Variants in GGACT observed in about 807,000 individuals in gnomAD.
The protein encoded by GGACT is gamma-glutamylamine cyclotransferase.
For synonymous variants in GGACT, 118 were observed against 115.3 expected (o/e 1.02, Z -0.15); for missense variants, 241 against 233.2 (o/e 1.03, Z -0.22).
chr13:100,575,465 T>A (rs1313457838), intron 2 of GGACT, among the ~76,000 whole-genome samples: 1 of 152,214 alleles, frequency 6.6e-6, no homozygotes, highest in Non-Finnish European at 1.5e-5. Flanking sequence ...GTTTTCTTCT[T>A]TGAGCTCACC....
At chr13:100,553,838 C>A (rs2088688291) in intron 2 of GGACT, among the ~76,000 whole-genome samples, 1 of 75,572 alleles carries the variant, frequency 1.3e-5, no homozygotes, top group African/African-American at 7.1e-5. Context: ...AGCGAGACTC[C>A]ATCTCAAAAA....
At chr13:100,585,822 C>CAAAAAAAAAAAAAAAA (rs550006144) in intron 1 of GGACT, among the ~76,000 whole-genome samples, 1 of 29,504 alleles carries the variant, frequency 3.4e-5, no homozygotes, top group African/African-American at 8.3e-5. Context: ...CTGTCTCCAC[C>CAAAAAAAAAAAAAAAA]AAAAAAAAAA....
chr13:100,564,468 T>A lies in GGACT; in HGVS notation c.-11+19357A>T, dbSNP rs548359735. Among the ~76,000 whole-genome samples, 179 of 152,272 alleles carry A rather than the reference T, an allele frequency of 1.2e-3. 1 individual carries two copies. The highest frequency in any genetic ancestry group is 4.0e-3 in the African/African-American group (168 of 41,554). On this transcript the variant is annotated intron_variant, in intron 2 of 2. Coordinates refer to ENST00000683975, the MANE Select transcript of GGACT (RefSeq NM_001195087.2). ...TGAAGATTTGTATAAACATCTTTTTTAAAAAAATTATCCAAGTTATACAAA... is the reference window on the plus strand; with the variant it reads ...TGAAGATTTGTATAAACATCTTTTTAAAAAAAATTATCCAAGTTATACAAA...
chr13:100,535,532 C>T (rs1202333277), intron 2 of GGACT, among the ~76,000 whole-genome samples: 1 of 152,194 alleles, frequency 6.6e-6, no homozygotes, highest in South Asian at 2.1e-4. Flanking sequence ...GCGGTGGGTA[C>T]CAACACACGT....
At chr13:100,569,589 G>A (rs1023953498) in intron 2 of GGACT, among the ~76,000 whole-genome samples, 1 of 152,202 alleles carries the variant, frequency 6.6e-6, no homozygotes, top group Non-Finnish European at 1.5e-5. Flanking sequence ...GTGATGGGAG[G>A]GGCTGCTGAG....
At chr13:100,553,904 C>T (rs2088689995) in intron 2 of GGACT, among the ~76,000 whole-genome samples, 1 of 149,840 alleles carries the variant, frequency 6.7e-6, no homozygotes, top group Non-Finnish European at 1.5e-5. Flanking sequence ...GGGCCAGGTA[C>T]ACAGTGTGTC....
intron 2 of GGACT, among the ~76,000 whole-genome samples, chr13:100,566,349 A>G (rs1323902145): frequency 1.3e-5 from 2 of 151,906 alleles, no homozygotes; most frequent in Non-Finnish European, 2.9e-5. Context: ...CATGCCTCAC[A>G]CTGCCTGTGG....
chr13:100,579,135 G>A (rs1875337424), intron 2 of GGACT, among the ~76,000 whole-genome samples: 1 of 152,194 alleles, frequency 6.6e-6, no homozygotes, highest in Non-Finnish European at 1.5e-5. Flanking sequence ...AAGGCATGAT[G>A]GCGGACTCCG....
At chr13:100,553,087 G>C (rs1051123206) in intron 2 of GGACT, among the ~76,000 whole-genome samples, 1 of 152,206 alleles carries the variant, frequency 6.6e-6, no homozygotes, top group Non-Finnish European at 1.5e-5. Context: ...GGGCCTCCAA[G>C]GGCCTTCCAT....
intron 2 of GGACT, among the ~76,000 whole-genome samples, chr13:100,578,476 A>G (rs1875318486): frequency 1.3e-5 from 2 of 152,240 alleles, no homozygotes; most frequent in Admixed American, 6.5e-5. Flanking sequence ...CACAGTCAGT[A>G]CATTCATTTA....
intron 2 of GGACT, among the ~76,000 whole-genome samples, chr13:100,561,657 G>A (rs764538106): frequency 6.6e-6 from 1 of 152,248 alleles, no homozygotes; most frequent in African/African-American, 2.4e-5. Context: ...CAGAAGATGT[G>A]TGCAGCAGAC....
intron 2 of GGACT, among the ~76,000 whole-genome samples, chr13:100,556,911 T>G (rs1228657981): frequency 6.6e-6 from 1 of 152,194 alleles, no homozygotes; most frequent in Non-Finnish European, 1.5e-5. Context: ...TCTTGCTCTG[T>G]TGCCCAGGCT....
At chr13:100,559,535 C>T (rs1284102657) in intron 2 of GGACT, among the ~76,000 whole-genome samples, 7 of 151,852 alleles carry the variant, frequency 4.6e-5, no homozygotes, top group Admixed American at 4.6e-4. Flanking sequence ...TGCTCGGTCG[C>T]CGAGGCTGGG....
Position 100,531,727 on chromosome 13 carries a change from G to C in GGACT, c.*403C>G, listed in dbSNP as rs1323268654. On this transcript the variant is annotated 3_prime_UTR_variant, in exon 3 of 3. Transcript: ENST00000683975. ...CCGTGTAAAATCGGCTTTCTCAGGG[G>C]TTACAGGCCAGAATCAGTATAGTAG... is the stretch of plus-strand genomic sequence containing the variant. 5.8e-6 allele frequency: 1 copy of C among 172,528 alleles called. No individual in the cohort carries two copies. Among genetic ancestry groups the C allele is most frequent in the African/African-American group, 2.4e-5 (1 of 42,380 alleles). The allele number at this position is 172,528 out of a possible 1,614,324, so 10.7% of individuals were successfully genotyped here.
chr13:100,550,815 G>A (rs1669312628), intron 2 of GGACT, among the ~76,000 whole-genome samples: 1 of 152,074 alleles, frequency 6.6e-6, no homozygotes, highest in Admixed American at 6.6e-5. Context: ...TTTTCATTAT[G>A]GAGTTGTTGT....
chr13:100,530,399 TC>T lies in GGACT; in HGVS notation c.*1730del. 1.7e-6 allele frequency: 1 copy of T among 597,728 alleles called. No individual in the cohort carries two copies. 37.0% of individuals were successfully genotyped at this position (597,728 alleles called of 1,614,324 possible). On this transcript the variant is annotated 3_prime_UTR_variant, in exon 3 of 3. Transcript: ENST00000683975. ...ACTTCTGCTGTGAGATTCCCTAGTG[TC>T]AAAATTAAATCAATAAAACTGAGCA... is the stretch of plus-strand genomic sequence containing the variant.
At chr13:100,575,735 G>C in intron 2 of GGACT, among the ~76,000 whole-genome samples, 1 of 152,184 alleles carries the variant, frequency 6.6e-6, no homozygotes, top group East Asian at 1.9e-4. Flanking sequence ...TTGCACTCCA[G>C]CCTGGGTGAC....
intron 2 of GGACT, among the ~76,000 whole-genome samples, chr13:100,581,336 T>C (rs1875410749): frequency 6.6e-6 from 1 of 152,098 alleles, no homozygotes; most frequent in Non-Finnish European, 1.5e-5. Context: ...CTAGGGCATC[T>C]AGCAATATTG....
intron 1 of GGACT, among the ~76,000 whole-genome samples, chr13:100,587,301 T>C (rs1875608310): frequency 6.6e-6 from 1 of 152,146 alleles, no homozygotes; most frequent in Non-Finnish European, 1.5e-5. Context: ...CTACCTACTA[T>C]CCAGATCACC....
Sources: gnomAD v4.1 joint callset for allele counts (sites outside exome capture counted in the v4.1 genomes callset) on GRCh38, gnomAD v4.1.1 for gene constraint, MANE v1.5 for transcripts, NCBI Gene and HGNC (gene_info 2026-07-23, HGNC 2026-07-21) for gene names.